The following ST8SIA1 variants were observed in gnomAD, a reference collection of about 807,000 sequenced individuals.
ST8SIA1 encodes ST8 alpha-N-acetyl-neuraminide alpha-2,8-sialyltransferase 1.
A neutral mutation model predicts 35.9 loss-of-function variants in ST8SIA1; 16 were observed. That is an observed-to-expected ratio of 0.45 (90% CI 0.30 to 0.68). ST8SIA1 has a LOEUF of 0.68. ST8SIA1 is among the 30% of genes least tolerant of loss of function. ST8SIA1 has a pLI of 0.09. For missense variants in ST8SIA1, 383 were observed against 453.6 expected (o/e 0.84, Z 1.41); for synonymous variants, 170 against 169.6 (o/e 1.00, Z -0.02).
intron 3 of ST8SIA1, among the ~76,000 whole-genome samples, chr12:22,254,698 C>T (rs139482252): frequency 1.4e-4 from 21 of 152,266 alleles, no homozygotes; most frequent in Non-Finnish European, 2.1e-4. Flanking sequence ...TTCATGCTCC[C>T]GCAGGGGCCT....
At chr12:22,250,676 C>T (rs576755527) in intron 3 of ST8SIA1, 16 of 152,338 alleles carry the variant, frequency 1.1e-4, no homozygotes, top group African/African-American at 3.8e-4. Flanking sequence ...CCTCAGTATC[C>T]AGGCACCCAC....
chr12:22,333,773 C>G (rs1051802466), intron 1 of ST8SIA1: 4 of 742,596 alleles, frequency 5.4e-6, no homozygotes, highest in African/African-American at 5.2e-5. Context: ...TCTTTACATG[C>G]GCAAAGCAGG....
intron 4 of ST8SIA1, among the ~76,000 whole-genome samples, chr12:22,227,109 C>T (rs1217606199): frequency 1.3e-5 from 2 of 151,952 alleles, no homozygotes; most frequent in Non-Finnish European, 2.9e-5. Flanking sequence ...CCACACCTGG[C>T]TAATTTTTGT....
chr12:22,263,250 T>C (rs1299551984), intron 2 of ST8SIA1, among the ~76,000 whole-genome samples: 3 of 152,190 alleles, frequency 2.0e-5, no homozygotes, highest in Admixed American at 6.5e-5. Flanking sequence ...GTCTCCGTGT[T>C]TTAAGTTTAA....
intron 3 of ST8SIA1, among the ~76,000 whole-genome samples, chr12:22,255,076 TG>T (rs1004047158): frequency 6.6e-6 from 1 of 152,206 alleles, no homozygotes; most frequent in African/African-American, 2.4e-5. Flanking sequence ...TGAGCCTTCT[TG>T]GCTTTGTCCT....
intron 2 of ST8SIA1, among the ~76,000 whole-genome samples, chr12:22,285,731 A>G (rs552106350): frequency 2.6e-5 from 4 of 152,082 alleles, no homozygotes; most frequent in Non-Finnish European, 4.4e-5. Context: ...ACAGCTGGGT[A>G]TGGTGGCACA....
Position 22,200,745 on chromosome 12 carries a change from T to C in ST8SIA1, c.*807A>G, listed in dbSNP as rs1865040055. The C allele has an allele frequency of 6.6e-6, 1 of 152,176 alleles. No homozygotes were observed. Among genetic ancestry groups the C allele is most frequent in the Non-Finnish European group, 1.5e-5 (1 of 68,040 alleles). 9.4% of individuals were successfully genotyped at this position (152,176 alleles called of 1,614,324 possible). A position where few individuals can be genotyped will look rare whatever the true frequency, so the allele number is the denominator to read the frequency against. On this transcript the variant is annotated 3_prime_UTR_variant, in exon 5 of 5. Transcript: ENST00000396037. ...ACAAATAATTCACTCATATTGGTAG[T>C]CTTTTGCACTAAAATAAAAATGACA... is the stretch of plus-strand genomic sequence containing the variant.
chr12:22,286,670 T>G, intron 2 of ST8SIA1: 2 of 429,988 alleles, frequency 4.7e-6, no homozygotes, highest in South Asian at 3.6e-5. Context: ...TCAAGTTGAA[T>G]TATTCCTCTC....
chr12:22,213,218 C>T (rs998832052), intron 4 of ST8SIA1, among the ~76,000 whole-genome samples: 15 of 152,144 alleles, frequency 9.9e-5, no homozygotes, highest in Admixed American at 2.0e-4. Context: ...AAAACCCCAG[C>T]CTCTCAGTTC....
At chr12:22,313,663 G>A (rs1438458927) in intron 1 of ST8SIA1, among the ~76,000 whole-genome samples, 1 of 152,134 alleles carries the variant, frequency 6.6e-6, no homozygotes, top group East Asian at 1.9e-4. Flanking sequence ...TCATATTGAT[G>A]AATTTATGCA....
intron 4 of ST8SIA1, among the ~76,000 whole-genome samples, chr12:22,244,251 A>G (rs1865573272): frequency 6.6e-6 from 1 of 152,124 alleles, no homozygotes; most frequent in African/African-American, 2.4e-5. Context: ...TCTAACATAC[A>G]TGTGCAGCCT....
In ST8SIA1 at chr12:22,201,966, G is replaced by A. The variant is rs769563492; in HGVS notation, c.657C>T (p.Tyr219=). The part of the protein sequence containing the change: ...NMKIYNHSYI[Y]MPAFSMKTGT... ...CTGTCTTCATAGAAAAGGCAGGCATGTAGATGTAACTGTGGTTATAAATTT... is the reference window on the plus strand; with the variant it reads ...CTGTCTTCATAGAAAAGGCAGGCATATAGATGTAACTGTGGTTATAAATTT... Residue 219 remains tyrosine (Y), a synonymous_variant, in exon 5 of 5, where the codon TAC becomes TAT. Coordinates refer to ENST00000396037, the MANE Select transcript of ST8SIA1 (RefSeq NM_003034.4). The A allele has an allele frequency of 6.2e-7, 1 of 1,613,942 alleles. No individual in the cohort carries two copies. Among genetic ancestry groups the A allele is most frequent in the Non-Finnish European group, 8.5e-7 (1 of 1,179,882 alleles).
chr12:22,314,770 C>T (rs1866496923), intron 1 of ST8SIA1, among the ~76,000 whole-genome samples: 1 of 152,142 alleles, frequency 6.6e-6, no homozygotes, highest in Non-Finnish European at 1.5e-5. Context: ...TGTTTCTTAA[C>T]TCACATCCCT....
chr12:22,331,597 A>G (rs1866765819), intron 1 of ST8SIA1, among the ~76,000 whole-genome samples: 1 of 152,220 alleles, frequency 6.6e-6, no homozygotes, highest in Admixed American at 6.5e-5. Flanking sequence ...TAACATGATA[A>G]TGGCTTCTGA....
intron 4 of ST8SIA1, chr12:22,248,717 G>A: frequency 3.8e-6 from 1 of 266,608 alleles, no homozygotes; most frequent in Non-Finnish European, 7.0e-6. Flanking sequence ...AAAAGTAGCA[G>A]TAATGAGTAA....
intron 1 of ST8SIA1, among the ~76,000 whole-genome samples, chr12:22,291,984 A>G (rs1866182299): frequency 6.6e-6 from 1 of 152,208 alleles, no homozygotes; most frequent in Non-Finnish European, 1.5e-5. Flanking sequence ...AAAGCAGAAT[A>G]ACAGAGTTGA....
intron 4 of ST8SIA1, among the ~76,000 whole-genome samples, chr12:22,246,724 G>A (rs904137249): frequency 2.0e-5 from 3 of 152,080 alleles, no homozygotes; most frequent in African/African-American, 7.2e-5. Flanking sequence ...GCCTGGTGAA[G>A]TCCCAGGCGA....
chr12:22,225,609 A>G (rs1311212928), intron 4 of ST8SIA1, among the ~76,000 whole-genome samples: 1 of 152,192 alleles, frequency 6.6e-6, no homozygotes, highest in Non-Finnish European at 1.5e-5. Flanking sequence ...ATAGCCACCA[A>G]CGTACAAACT....
chr12:22,249,925 C>G (rs1367720433), intron 3 of ST8SIA1, among the ~76,000 whole-genome samples: 8 of 152,144 alleles, frequency 5.3e-5, no homozygotes, highest in Admixed American at 1.3e-4. Context: ...GGGCCATGTA[C>G]TATTCACTTA....
Sources: allele counts gnomAD v4.1 joint callset (sites outside exome capture counted in the v4.1 genomes callset), GRCh38; gene constraint gnomAD v4.1.1; transcripts MANE v1.5; gene names NCBI Gene and HGNC (gene_info 2026-07-23, HGNC 2026-07-21).